Variants in DPP8 observed in about 807,000 individuals in gnomAD.
DPP8 encodes the protein dipeptidyl peptidase 8, also known as DPP VIII.
Under a neutral mutation model 107.5 loss-of-function variants are expected in DPP8, and 31 were observed. The ratio of observed to expected loss-of-function variants is 0.29; its 90% CI spans 0.22 to 0.39. DPP8 has a LOEUF of 0.39. Ranked by LOEUF, DPP8 falls within the 10% of genes least tolerant of loss-of-function variation. The pLI, the probability that DPP8 is intolerant of heterozygous loss-of-function variation, is 1.00. For missense variants in DPP8, 842 were observed against 1,076.1 expected (o/e 0.78, Z 3.04); for synonymous variants, 381 against 356.6 (o/e 1.07, Z -0.77).
rs187306248 is a variant in DPP8, at chr15:65,481,739, G to A, written c.1018-124C>T. On this transcript the variant is annotated intron_variant, in intron 8 of 19. Coordinates refer to ENST00000300141, the MANE Select transcript of DPP8 (RefSeq NM_130434.5). ...TTTTCCAGAGTTAGGTATTAAAAAG[G>A]AACAAAGGATATAGCAAATCTAGAA... The A allele has an allele frequency of 4.7e-3, 2,653 of 561,150 alleles. 10 individuals carry two copies. The highest frequency in any genetic ancestry group is 5.4e-3 in the Non-Finnish European group (1,780 of 328,176). 34.8% of individuals were successfully genotyped at this position (561,150 alleles called of 1,614,324 possible). A position where few individuals can be genotyped will look rare whatever the true frequency, so the allele number is the denominator to read the frequency against.
intron 6 of DPP8, among the ~76,000 whole-genome samples, chr15:65,488,475 G>A (rs2067653527): frequency 6.6e-6 from 1 of 151,620 alleles, no homozygotes; most frequent in African/African-American, 2.4e-5. Flanking sequence ...GGGTGTAGTG[G>A]CTTGTGCCTG....
At chr15:65,447,597 T>C (rs189452588) in intron 19 of DPP8, among the ~76,000 whole-genome samples, 88 of 152,356 alleles carry the variant, frequency 5.8e-4, no homozygotes, top group East Asian at 1.9e-3. Context: ...ACCAGTGCTA[T>C]AGGATGTCTC....
intron 11 of DPP8, 148 bp from the exon 12 acceptor site, chr15:65,474,436 CA>C (rs2066199301): frequency 3.2e-6 from 2 of 620,266 alleles, no homozygotes; most frequent in Non-Finnish European, 5.7e-6. Context: ...ATGATGGTTG[CA>C]CAGCATTGTG....
At chr15:65,452,383 C>T (rs1488012058) in intron 17 of DPP8, among the ~76,000 whole-genome samples, 1 of 152,016 alleles carries the variant, frequency 6.6e-6, no homozygotes, top group Non-Finnish European at 1.5e-5. Context: ...TAAAAGACAA[C>T]TGAACTATAT....
intron 10 of DPP8, among the ~76,000 whole-genome samples, chr15:65,479,615 C>T (rs1469137452): frequency 1.3e-5 from 2 of 151,690 alleles, no homozygotes; most frequent in Non-Finnish European, 2.9e-5. Flanking sequence ...GAGGCCGAGG[C>T]GGGTGGATCA....
chr15:65,480,912 AC>A (rs1297886350), intron 9 of DPP8, among the ~76,000 whole-genome samples: 1 of 152,118 alleles, frequency 6.6e-6, no homozygotes, highest in Non-Finnish European at 1.5e-5. Context: ...ACCTGACAAC[AC>A]AGTGAGACCT....
chr15:65,479,418 G>T (rs957462263), intron 10 of DPP8, among the ~76,000 whole-genome samples: 1 of 152,094 alleles, frequency 6.6e-6, no homozygotes, highest in East Asian at 1.9e-4. Context: ...TTTTCTAATA[G>T]TTCAGGGGAA....
Position 65,458,714 on chromosome 15 carries a change from G to A in DPP8, c.1972-2343C>T, listed in dbSNP as rs1248320440. On this transcript the variant is annotated intron_variant, in intron 15 of 19. Transcript: ENST00000300141. ...GCTGCCTTTAGTGACAAAGTAATTCGCTTCATGTTATGAATTGTGACACTG... is the reference window on the plus strand; with the variant it reads ...GCTGCCTTTAGTGACAAAGTAATTCACTTCATGTTATGAATTGTGACACTG... The A allele has an allele frequency of 2.0e-5, 3 of 152,112 alleles. No homozygotes were observed. In the East Asian group the frequency reaches 5.8e-4, roughly 29 times the overall value. 9.4% of individuals were successfully genotyped at this position (152,112 alleles called of 1,614,324 possible). A position where few individuals can be genotyped will look rare whatever the true frequency, so the allele number is the denominator to read the frequency against.
At chr15:65,477,446 C>A (rs1426746586) in intron 11 of DPP8, among the ~76,000 whole-genome samples, 1 of 151,172 alleles carries the variant, frequency 6.6e-6, no homozygotes, top group South Asian at 2.1e-4. Flanking sequence ...TATATAAAAA[C>A]ATACTCAATG....
chr15:65,456,331 A>C lies in DPP8; in HGVS notation c.2012T>G (p.Phe671Cys). 1 of 1,614,130 alleles carries C rather than the reference A, an allele frequency of 6.2e-7. No homozygotes were observed. The highest frequency in any genetic ancestry group is 2.2e-5 in the East Asian group (1 of 44,880). The change falls in exon 16 of 20, where the codon TTC becomes TGC. Residue 671 changes from phenylalanine (F) to cysteine (C), a missense_variant. By Grantham distance (205) the Phe-to-Cys change is radical. This residue lies in a region of DPP8 where 179 missense variants were observed against 318.0 expected (regional missense o/e 0.56). Coordinates refer to ENST00000300141, the MANE Select transcript of DPP8 (RefSeq NM_130434.5). The part of the protein sequence containing the change: ...VNNRFKGVKY[F>C]RLNTLASLGY... ...TAGAGAGGCTAGGGTATTCAAGCGGAAATACTTGACTCCTTTAAACCGATT... is the reference window on the plus strand; with the variant it reads ...TAGAGAGGCTAGGGTATTCAAGCGGCAATACTTGACTCCTTTAAACCGATT...
rs146532599 is a variant in DPP8, at chr15:65,504,784, C to T, written c.372+2459G>A. Among the ~76,000 whole-genome samples, 595 of 151,368 alleles carry T rather than the reference C, an allele frequency of 3.9e-3. 5 individuals are homozygous for T. The highest frequency in any genetic ancestry group is 0.014 in the African/African-American group (569 of 41,204). On this transcript the variant is annotated intron_variant, in intron 3 of 19. Transcript: ENST00000300141. ...ATCGCTTGAGCTCAGGAGTTTGAGA[C>T]CACCCTGGGCAGCACAGTGAGACCC...
At chr15:65,481,196 T>A (rs189208715) in intron 9 of DPP8, among the ~76,000 whole-genome samples, 5 of 152,362 alleles carry the variant, frequency 3.3e-5, no homozygotes, top group Admixed American at 6.5e-5. Context: ...CATCCTCATA[T>A]AAAGCTCTAT....
intron 15 of DPP8, among the ~76,000 whole-genome samples, chr15:65,457,121 G>C (rs2064493252): frequency 6.6e-6 from 1 of 152,164 alleles, no homozygotes; most frequent in Non-Finnish European, 1.5e-5. Flanking sequence ...TTGGGAGGCT[G>C]AAGCGGGTGG....
rs983102218 is a variant in DPP8 at position 65,443,155 on chromosome 15, T to G, written c.*3729A>C. ...TTAACCATTTTTATGTGGTTACCTT[T>G]AAAATGTTTTATAGGAATATATTAA... On this transcript the variant is annotated 3_prime_UTR_variant, in exon 20 of 20. Transcript: ENST00000300141. 4.6e-5 allele frequency: 7 copies of G among 152,224 alleles called. No individual in the cohort carries two copies. The highest frequency in any genetic ancestry group is 1.0e-4 in the Non-Finnish European group (7 of 68,048). 9.4% of individuals were successfully genotyped at this position (152,224 alleles called of 1,614,324 possible). A position where few individuals can be genotyped will look rare whatever the true frequency, so the allele number is the denominator to read the frequency against.
intron 12 of DPP8, among the ~76,000 whole-genome samples, chr15:65,469,690 G>T (rs1264252625): frequency 6.8e-6 from 1 of 146,394 alleles, no homozygotes; most frequent in African/African-American, 2.6e-5. Context: ...ACAAAAATTA[G>T]CCAAGTGTGG....
rs1033578065 is a variant in DPP8, at chr15:65,502,526, A to C, written c.373-1747T>G. Reference sequence around the variant, plus strand: ...AACCTCGCCTCTACTAAAAATACAAAAATTAGCCGAGCATGCTGGTGCGCA... The same window carrying C: ...AACCTCGCCTCTACTAAAAATACAACAATTAGCCGAGCATGCTGGTGCGCA... On this transcript the variant is annotated intron_variant, in intron 3 of 19. Transcript: ENST00000300141. Among the ~76,000 whole-genome samples, 3 of 152,092 alleles carry C rather than the reference A, an allele frequency of 2.0e-5. No individual in the cohort carries two copies. In the East Asian group the frequency reaches 5.8e-4, roughly 29 times the overall value.
chr15:65,497,307 C>T (rs1180115949), intron 5 of DPP8, among the ~76,000 whole-genome samples: 1 of 152,132 alleles, frequency 6.6e-6, no homozygotes, highest in African/African-American at 2.4e-5. Context: ...CTCACTTTGT[C>T]ACCCAGGTTG....
intron 2 of DPP8, among the ~76,000 whole-genome samples, chr15:65,508,545 C>G (rs2070356358): frequency 6.6e-6 from 1 of 152,016 alleles, no homozygotes; most frequent in Admixed American, 6.6e-5. Flanking sequence ...TAAAACAAAG[C>G]CTTTCTATTC....
chr15:65,447,120 T>C, intron 19 of DPP8, 114 bp from the exon 20 acceptor site: 1 of 699,464 alleles, frequency 1.4e-6, no homozygotes. Context: ...GCACAGCCTC[T>C]ATGCAATATT....
Sources: gnomAD v4.1 joint callset for allele counts (sites outside exome capture counted in the v4.1 genomes callset) on GRCh38, gnomAD v4.1.1 for gene constraint, gnomAD v4.1.1 regional missense constraint, MANE v1.5 for transcripts, NCBI Gene and HGNC (gene_info 2026-07-23, HGNC 2026-07-21) for gene names.